LUZP1: variants seen among roughly 807,000 people sequenced by gnomAD.
LUZP1 encodes filamin mechanobinding actin cross-linking protein.
Under a neutral mutation model 71.3 loss-of-function variants are expected in LUZP1, and 25 were observed. That is an observed-to-expected ratio of 0.35 (90% confidence interval 0.26 to 0.49). LUZP1 has a LOEUF of 0.49. Ranked by LOEUF, LUZP1 falls within the 20% of genes least tolerant of loss-of-function variation. The probability of loss-of-function intolerance (pLI) is 0.99; values close to 1 mark genes in which losing one functional copy is unlikely to be tolerated. For synonymous variants in LUZP1, 481 were observed against 506.4 expected (o/e 0.95, Z 0.67); for missense variants, 1,142 against 1,300.8 (o/e 0.88, Z 1.88).
At chr1:23,108,094 C>T (rs1643998326) in intron 3 of LUZP1, among the ~76,000 whole-genome samples, 1 of 152,162 alleles carries the variant, frequency 6.6e-6, no homozygotes, top group African/African-American at 2.4e-5. Context: ...GGCCACTGAC[C>T]GTTCAAGTTC....
chr1:23,169,073 CTT>C (rs770389642), intron 1 of LUZP1: 1 of 152,216 alleles, frequency 6.6e-6, no homozygotes, highest in Non-Finnish European at 1.5e-5. Context: ...AGGAGGGACA[CTT>C]TCGGCCCGCG....
intron 2 of LUZP1, among the ~76,000 whole-genome samples, chr1:23,115,009 T>A (rs1196301053): frequency 6.6e-6 from 1 of 152,224 alleles, no homozygotes; most frequent in Non-Finnish European, 1.5e-5. Context: ...TCCGAAAAGA[T>A]CTAAGTAGAG....
chr1:23,114,427 C>G (rs1205524637), intron 2 of LUZP1, among the ~76,000 whole-genome samples: 1 of 152,036 alleles, frequency 6.6e-6, no homozygotes, highest in Non-Finnish European at 1.5e-5. Flanking sequence ...GGGTGGGGAC[C>G]AATCAGGGGG....
At chr1:23,164,551 T>G (rs1335725637) in intron 2 of LUZP1, among the ~76,000 whole-genome samples, 1 of 150,844 alleles carries the variant, frequency 6.6e-6, no homozygotes, top group Admixed American at 6.6e-5. Flanking sequence ...AATCAAAAAA[T>G]AAAGAGAAGG....
intron 3 of LUZP1, among the ~76,000 whole-genome samples, chr1:23,103,189 G>A (rs541166945): frequency 1.0e-4 from 15 of 150,626 alleles, no homozygotes; most frequent in Non-Finnish European, 1.5e-4. Context: ...CTCCCACTTC[G>A]CCCTTCGAGC....
chr1:23,138,693 GTGTGTATATATATATA>G (rs1031359106), intron 2 of LUZP1, among the ~76,000 whole-genome samples: 5 of 107,240 alleles, frequency 4.7e-5, no homozygotes, highest in South Asian at 2.8e-4. Flanking sequence ...GTGTGTGTGT[GTGTGTATATATATATA>G]TATATAAATG....
At chr1:23,118,219 T>C (rs529913450) in intron 2 of LUZP1, among the ~76,000 whole-genome samples, 2 of 151,878 alleles carry the variant, frequency 1.3e-5, no homozygotes, top group African/African-American at 4.8e-5. Context: ...CTGATCAACA[T>C]GGTGCAACCC....
intron 2 of LUZP1, among the ~76,000 whole-genome samples, chr1:23,165,475 G>A (rs1644502345): frequency 6.6e-6 from 1 of 151,190 alleles, no homozygotes; most frequent in African/African-American, 2.4e-5. Context: ...AGTTCCAGGA[G>A]ACCAGCCTGG....
intron 1 of LUZP1, among the ~76,000 whole-genome samples, chr1:23,177,189 C>T (rs1259168115): frequency 6.6e-6 from 1 of 152,172 alleles, no homozygotes; most frequent in Non-Finnish European, 1.5e-5. Context: ...CCATGCCCTG[C>T]AGAGGGCTAT....
At chr1:23,119,453 TAAC>T (rs1449673549) in intron 2 of LUZP1, among the ~76,000 whole-genome samples, 1 of 152,028 alleles carries the variant, frequency 6.6e-6, no homozygotes, top group Non-Finnish European at 1.5e-5. Flanking sequence ...GCTTTAAAAA[TAAC>T]AAGCTATGGG....
chr1:23,171,622 C>T (rs776140993), intron 1 of LUZP1, among the ~76,000 whole-genome samples: 3 of 152,238 alleles, frequency 2.0e-5, no homozygotes, highest in Non-Finnish European at 2.9e-5. Context: ...TGATTAATTT[C>T]CTATGCTGCA....
exon 4 of LUZP1, chr1:23,092,148 A>G (rs1478611909): frequency 1.2e-6 from 2 of 1,613,924 alleles, no homozygotes; most frequent in Non-Finnish European, 1.7e-6. Context: ...ATCATTCTCA[A>G]ATAGGGAGGT....
At chr1:23,173,271 A>G (rs903569739) in intron 1 of LUZP1, among the ~76,000 whole-genome samples, 2 of 151,680 alleles carry the variant, frequency 1.3e-5, no homozygotes, top group Non-Finnish European at 2.9e-5. Context: ...AAAATAAATA[A>G]ATAAAAAAGA....
intron 3 of LUZP1, among the ~76,000 whole-genome samples, chr1:23,098,215 G>C (rs927641567): frequency 6.6e-6 from 1 of 152,120 alleles, no homozygotes; most frequent in Admixed American, 6.5e-5. Flanking sequence ...TGTGTGTGAG[G>C]GACTTTAAAT....
intron 2 of LUZP1, among the ~76,000 whole-genome samples, chr1:23,134,955 T>C (rs535990519): frequency 7.9e-4 from 120 of 152,186 alleles, no homozygotes; most frequent in African/African-American, 2.7e-3. Context: ...CAGCATGCAG[T>C]AGCTATTCTT....
intron 2 of LUZP1, among the ~76,000 whole-genome samples, chr1:23,162,023 C>CAAA (rs377371342): frequency 2.5e-4 from 15 of 59,510 alleles, no homozygotes; most frequent in African/African-American, 5.5e-4. Context: ...GAGACTGTCT[C>CAAA]AAAAAAAAAA....
At chr1:23,115,398 G>A (rs1461616800) in intron 2 of LUZP1, among the ~76,000 whole-genome samples, 1 of 152,188 alleles carries the variant, frequency 6.6e-6, no homozygotes, top group African/African-American at 2.4e-5. Flanking sequence ...CCTTACCAAA[G>A]AAGAGTATAA....
At chr1:23,140,026 G>A (rs1457463438) in intron 2 of LUZP1, among the ~76,000 whole-genome samples, 1 of 152,084 alleles carries the variant, frequency 6.6e-6, no homozygotes, top group East Asian at 1.9e-4. Context: ...AGAAGTCAAA[G>A]GTTACACTCA....
At chr1:23,088,472 A>G (rs913568274) in exon 5 of LUZP1, 16 of 159,306 alleles carry the variant, frequency 1.0e-4, no homozygotes, top group African/African-American at 3.8e-4. Flanking sequence ...TGAGGAGTGA[A>G]GTGGATATAG....
Sources: allele counts gnomAD v4.1 joint callset (sites outside exome capture counted in the v4.1 genomes callset), GRCh38; gene constraint gnomAD v4.1.1; transcripts MANE v1.5; gene names NCBI Gene and HGNC (gene_info 2026-07-23, HGNC 2026-07-21).